RNF111: variants seen among roughly 807,000 people sequenced by gnomAD.
RNF111 encodes E3 ubiquitin-protein ligase Arkadia.
A neutral mutation model predicts 95.1 loss-of-function variants in RNF111; 17 were observed. That is an observed-to-expected ratio of 0.18 (90% CI 0.12 to 0.27). The LOEUF is 0.27. RNF111 is among the 10% of genes least tolerant of loss of function. The probability of loss-of-function intolerance (pLI) is 1.00; values close to 1 mark genes in which losing one functional copy is unlikely to be tolerated. For synonymous variants in RNF111, 440 were observed against 414.8 expected (o/e 1.06, Z -0.74); for missense variants, 1,189 against 1,210.4 (o/e 0.98, Z 0.26).
chr15:59,025,549 AAAAT>A (rs1300115658), intron 1 of RNF111, among the ~76,000 whole-genome samples: 5 of 152,350 alleles, frequency 3.3e-5, no homozygotes, highest in African/African-American at 7.2e-5. Flanking sequence ...GGCACATAGT[AAAAT>A]AAATAAGAGA....
At chr15:59,057,187 C>A (rs1210674697) in intron 4 of RNF111, among the ~76,000 whole-genome samples, 7 of 152,148 alleles carry the variant, frequency 4.6e-5, no homozygotes, top group African/African-American at 1.7e-4. Flanking sequence ...ATGGTTGTTG[C>A]TAAACATCAT....
chr15:59,063,221 A>G (rs954840025), intron 5 of RNF111, among the ~76,000 whole-genome samples: 3 of 152,216 alleles, frequency 2.0e-5, no homozygotes, highest in Non-Finnish European at 2.9e-5. Context: ...TTGTGCAAGC[A>G]TGTTTCTGGT....
At chr15:59,009,939 G>A (rs1456652928) in intron 1 of RNF111, among the ~76,000 whole-genome samples, 1 of 152,140 alleles carries the variant, frequency 6.6e-6, no homozygotes, top group Non-Finnish European at 1.5e-5. Context: ...CTGGGCAAAA[G>A]CAAGACCTTA....
intron 10 of RNF111, among the ~76,000 whole-genome samples, chr15:59,087,144 T>C (rs914157399): frequency 6.6e-6 from 1 of 152,152 alleles, no homozygotes; most frequent in African/African-American, 2.4e-5. Flanking sequence ...CCAAAGATAT[T>C]TGGGTTAAAG....
intron 1 of RNF111, among the ~76,000 whole-genome samples, chr15:59,016,146 T>C (rs1379330825): frequency 6.6e-6 from 1 of 150,770 alleles, no homozygotes; most frequent in Non-Finnish European, 1.5e-5. Flanking sequence ...CAATTTTGGT[T>C]AAAAAATATA....
chr15:58,994,033 ATTTTTTTTTTT>A (rs371453519), intron 1 of RNF111, among the ~76,000 whole-genome samples: 1 of 103,132 alleles, frequency 9.7e-6, no homozygotes, highest in African/African-American at 4.0e-5. Flanking sequence ...TGTTACTTAA[ATTTTTTTTTTT>A]TTTTTTTTTT....
chr15:59,043,410 G>C (rs1395990295), intron 2 of RNF111, among the ~76,000 whole-genome samples: 1 of 152,126 alleles, frequency 6.6e-6, no homozygotes, highest in Non-Finnish European at 1.5e-5. Context: ...GCCTGCCTTG[G>C]CCTTGCAAAG....
intron 1 of RNF111, among the ~76,000 whole-genome samples, chr15:59,008,278 C>T (rs1454245128): frequency 6.6e-6 from 1 of 152,114 alleles, no homozygotes. Context: ...AGTGCAGTGG[C>T]ACAGTCGTGG....
chr15:59,084,068 G>T, intron 8 of RNF111, 61 bp from the exon 9 acceptor site: 1 of 1,470,020 alleles, frequency 6.8e-7, no homozygotes. Flanking sequence ...TCTACATTAA[G>T]AAAAGAAATA....
At chr15:59,004,159 G>A (rs1189983266) in intron 1 of RNF111, 3 of 1,209,530 alleles carry the variant, frequency 2.5e-6, no homozygotes, top group Non-Finnish European at 2.1e-6. Flanking sequence ...GGCAGTTCTG[G>A]ATTAGCAGTT....
At position 58,996,635 on chromosome 15, in the gene RNF111, C is replaced by G. The variant is rs561507924; in HGVS notation, c.-20+8567C>G. ...CAGAATTTTTGTATGTGATTGAAAA[C>G]TCATCAGTACTTTCTTTTTTTTTTT... On this transcript the variant is annotated intron_variant, in intron 1 of 13. Transcript: ENST00000348370. Among the ~76,000 whole-genome samples the G allele has an allele frequency of 9.3e-5, 12 of 129,706 alleles. No individual in the cohort carries two copies. In the South Asian group the frequency reaches 1.5e-3, roughly 16 times the overall value. 85.1% of individuals were successfully genotyped at this position (129,706 alleles called of 152,430 possible). A position where few individuals can be genotyped will look rare whatever the true frequency, so the allele number is the denominator to read the frequency against.
intron 1 of RNF111, among the ~76,000 whole-genome samples, chr15:59,010,471 A>G (rs943156713): frequency 2.6e-5 from 4 of 151,920 alleles, no homozygotes; most frequent in African/African-American, 9.7e-5. Context: ...GTGTGATCTC[A>G]GCTCACTCCA....
At position 59,058,244 on chromosome 15, in the gene RNF111, G is replaced by A. The variant is rs2042280388; in HGVS notation, c.1172-112G>A. The A allele has an allele frequency of 3.6e-6, 3 of 834,862 alleles. No individual in the cohort carries two copies. In the East Asian group the frequency reaches 8.1e-5, roughly 23 times the overall value. The allele number at this position is 834,862 out of a possible 1,614,324, so 51.7% of individuals were successfully genotyped here. A position where few individuals can be genotyped will look rare whatever the true frequency, so the allele number is the denominator to read the frequency against. ...TTTACCAAATGTTATTAGAGAGCTT[G>A]TATTTTTAAAGTTTTTTTATTTATT... On this transcript the variant is annotated intron_variant, in intron 4 of 13. Coordinates refer to ENST00000348370, the MANE Select transcript of RNF111 (RefSeq NM_017610.8).
rs777685333 is a variant in RNF111, at chr15:59,085,683, G to T, written c.2448G>T (p.Val816=). The change falls in exon 10 of 14, where the codon GTG becomes GTT. Residue 816 remains valine, a synonymous_variant. Transcript: ENST00000348370. ...SAWELGIEAG[V]TAATYTPGAL... ...GGGAACTGGGAATTGAAGCTGGAGTGACTGCAGCTACTTATACACCTGGTG... is the reference window on the plus strand; with the variant it reads ...GGGAACTGGGAATTGAAGCTGGAGTTACTGCAGCTACTTATACACCTGGTG... The T allele has an allele frequency of 1.2e-6, 2 of 1,613,316 alleles. No homozygotes were observed. The highest frequency in any genetic ancestry group is 1.7e-6 in the Non-Finnish European group (2 of 1,179,478).
chr15:59,060,128 C>T (rs149103756), intron 5 of RNF111, among the ~76,000 whole-genome samples: 2 of 152,264 alleles, frequency 1.3e-5, no homozygotes, highest in Non-Finnish European at 2.9e-5. Flanking sequence ...CTACCTCAGT[C>T]TCTCAAGTAG....
intron 7 of RNF111, 60 bp downstream of exon 7, chr15:59,076,275 TC>T (rs1451640671): frequency 6.5e-7 from 1 of 1,550,350 alleles, no homozygotes; most frequent in Non-Finnish European, 8.8e-7. Context: ...ATTTTGTACT[TC>T]CTTATGAAAT....
At chr15:59,057,408 G>T (rs1222116853) in intron 4 of RNF111, among the ~76,000 whole-genome samples, 1 of 152,116 alleles carries the variant, frequency 6.6e-6, no homozygotes, top group Non-Finnish European at 1.5e-5. Context: ...GGTACTATTT[G>T]TGCCTAAGGA....
At position 59,096,196 on chromosome 15, in the gene RNF111, T is replaced by G; in HGVS notation, c.*1296T>G. ...ATTTCTCCTTTGGAGGAAGTTTTAA[T>G]CTACTTCAGGATGCATATTATTATC... On this transcript the variant is annotated 3_prime_UTR_variant, in exon 14 of 14. Coordinates refer to ENST00000348370, the MANE Select transcript of RNF111 (RefSeq NM_017610.8). 2.5e-6 allele frequency: 1 copy of G among 397,066 alleles called. No individual in the cohort carries two copies. 24.6% of individuals were successfully genotyped at this position (397,066 alleles called of 1,614,324 possible).
chr15:59,018,745 G>A (rs1193974345), intron 1 of RNF111, among the ~76,000 whole-genome samples: 1 of 152,066 alleles, frequency 6.6e-6, no homozygotes, highest in Non-Finnish European at 1.5e-5. Flanking sequence ...TAAAGAAAAT[G>A]ATCCATACTT....
Sources: gnomAD v4.1 joint callset for allele counts (sites outside exome capture counted in the v4.1 genomes callset) on GRCh38, gnomAD v4.1.1 for gene constraint, MANE v1.5 for transcripts, NCBI Gene and HGNC (gene_info 2026-07-23, HGNC 2026-07-21) for gene names.